NEK1: variants seen among roughly 807,000 people sequenced by gnomAD.
NEK1 encodes the protein NIMA related kinase 1.
NEK1 carries 137 observed loss-of-function variants against 182.1 expected under a neutral mutation model. That is an observed-to-expected ratio of 0.75 (90% CI 0.65 to 0.87). NEK1 has a LOEUF of 0.87. Among genes scored for constraint, NEK1 ranks in the 40% least tolerant of loss-of-function variants. The pLI is 0.00. For synonymous variants in NEK1, 513 were observed against 492.2 expected (o/e 1.04, Z -0.56); for missense variants, 1,391 against 1,494.4 (o/e 0.93, Z 1.14).
At chr4:169,539,845 C>G (rs865866669) in intron 18 of NEK1, among the ~76,000 whole-genome samples, 2 of 152,088 alleles carry the variant, frequency 1.3e-5, no homozygotes, top group African/African-American at 4.8e-5. Context: ...CCTTCTCTAA[C>G]TTTTACGGAA....
intron 31 of NEK1, among the ~76,000 whole-genome samples, chr4:169,423,674 C>G (rs1034262552): frequency 1.3e-5 from 2 of 152,080 alleles, no homozygotes; most frequent in Non-Finnish European, 2.9e-5. Context: ...TACAATATAA[C>G]CTTTTGAATT....
intron 29 of NEK1, among the ~76,000 whole-genome samples, chr4:169,430,409 TC>T (rs1737201950): frequency 1.3e-5 from 2 of 152,206 alleles, no homozygotes; most frequent in African/African-American, 2.4e-5. Context: ...GGTCTCGAAC[TC>T]CTGGCCTCAA....
intron 23 of NEK1, among the ~76,000 whole-genome samples, chr4:169,487,730 A>T (rs1374099793): frequency 1.3e-5 from 2 of 152,184 alleles, no homozygotes; most frequent in African/African-American, 4.8e-5. Context: ...ATCTTTGAGG[A>T]ATCCCCACAC....
At chr4:169,400,121 T>C in intron 35 of NEK1, 104 bp downstream of exon 35, 2 of 1,102,716 alleles carry the variant, frequency 1.8e-6, no homozygotes, top group Non-Finnish European at 2.7e-6. Flanking sequence ...AGTTCCCAAG[T>C]AGATTTCACA....
At chr4:169,405,456 T>C (rs1426630614) in intron 32 of NEK1, among the ~76,000 whole-genome samples, 1 of 152,210 alleles carries the variant, frequency 6.6e-6, no homozygotes, top group Non-Finnish European at 1.5e-5. Context: ...AAACACAGTA[T>C]ATGCTTAGGC....
chr4:169,400,520 C>T lies in NEK1; in HGVS notation c.3714+1G>A. On this transcript the variant is annotated splice_donor_variant, in intron 34 of 35. Coordinates refer to ENST00000507142, the MANE Select transcript of NEK1 (RefSeq NM_001199397.3). LOFTEE classifies it high-confidence loss of function. Reference sequence around the variant, plus strand: ...AGTGTTTTAATTGACTTTTCACTTACCTTTATTTTCTCATAAACCTCAAAG... The same window carrying T: ...AGTGTTTTAATTGACTTTTCACTTATCTTTATTTTCTCATAAACCTCAAAG... 6.3e-7 allele frequency: 1 copy of T among 1,596,388 alleles called. No individual in the cohort carries two copies. The highest frequency in any genetic ancestry group is 8.5e-7 in the Non-Finnish European group (1 of 1,174,058).
intron 32 of NEK1, among the ~76,000 whole-genome samples, chr4:169,404,958 T>C (rs138870778): frequency 5.6e-4 from 85 of 152,232 alleles, no homozygotes; most frequent in African/African-American, 2.0e-3. Flanking sequence ...GCAGAAAACA[T>C]GTGTGCACTG....
chr4:169,437,744 G>A (rs1052819290), intron 28 of NEK1, among the ~76,000 whole-genome samples: 6 of 152,144 alleles, frequency 3.9e-5, no homozygotes, highest in Non-Finnish European at 8.8e-5. Flanking sequence ...GAAGCTTTTT[G>A]GGACCCTTCA....
intron 28 of NEK1, among the ~76,000 whole-genome samples, chr4:169,437,340 T>C (rs1191072801): frequency 3.3e-5 from 5 of 152,144 alleles, no homozygotes; most frequent in Non-Finnish European, 7.3e-5. Context: ...TGAGCTAATG[T>C]CATAATGAGA....
chr4:169,579,390 C>A (rs752568802), intron 11 of NEK1, among the ~76,000 whole-genome samples: 4 of 152,172 alleles, frequency 2.6e-5, no homozygotes, highest in Non-Finnish European at 5.9e-5. Context: ...AGCTTGACTG[C>A]CCACTGCCCA....
chr4:169,526,467 G>A (rs1756919835), intron 19 of NEK1, among the ~76,000 whole-genome samples: 1 of 151,928 alleles, frequency 6.6e-6, no homozygotes, highest in Admixed American at 6.6e-5. Flanking sequence ...ATTTAACCTG[G>A]GTGACAGAGG....
intron 23 of NEK1, among the ~76,000 whole-genome samples, chr4:169,495,216 G>A (rs1405287493): frequency 1.4e-5 from 2 of 146,656 alleles, no homozygotes; most frequent in Non-Finnish European, 3.0e-5. Context: ...GGGTTTTTAT[G>A]GTTTTAGGTC....
chr4:169,537,714 A>G (rs1758729881), intron 19 of NEK1, 95 bp downstream of exon 19: 2 of 918,430 alleles, frequency 2.2e-6, no homozygotes, highest in Non-Finnish European at 1.8e-6. Context: ...CTAGATTGTT[A>G]GACTGTCATT....
intron 28 of NEK1, among the ~76,000 whole-genome samples, chr4:169,435,198 T>C (rs1738173108): frequency 6.6e-6 from 1 of 152,168 alleles, no homozygotes; most frequent in Non-Finnish European, 1.5e-5. Context: ...GCCCTCTTCC[T>C]GTTTTGCAGA....
intron 29 of NEK1, among the ~76,000 whole-genome samples, chr4:169,431,159 C>A: frequency 6.6e-6 from 1 of 151,832 alleles, no homozygotes; most frequent in Admixed American, 6.6e-5. Flanking sequence ...GAAGGATGAG[C>A]CAATGCAGAT....
intron 27 of NEK1, among the ~76,000 whole-genome samples, chr4:169,449,682 T>G (rs1300296827): frequency 6.6e-6 from 1 of 151,956 alleles, no homozygotes; most frequent in African/African-American, 2.4e-5. Context: ...GTCACCAACA[T>G]CAAAGACTAA....
chr4:169,401,660 C>T lies in NEK1; in HGVS notation c.3575G>A (p.Trp1192Ter). 6.2e-7 allele frequency: 1 copy of T among 1,613,460 alleles called. No homozygotes were observed. The highest frequency in any genetic ancestry group is 1.3e-5 in the African/African-American group (1 of 75,010). Residue 1192 changes from tryptophan to a stop codon, truncating the protein, a stop_gained, in exon 33 of 36, where the codon TGG becomes TAG. Coordinates refer to ENST00000507142, the MANE Select transcript of NEK1 (RefSeq NM_001199397.3). LOFTEE classifies it high-confidence loss of function. The stretch of plus-strand genomic sequence containing the variant: ...AAACTCTGATCATGCACCTGAGTGC[C>T]ATTCTTCGTTCAGGGCACTTTCACT... ...PSSESALNEEWHSDNSDGEIA... is the reference protein window; with the variant it reads ...PSSESALNEE
At chr4:169,403,669 T>C (rs759417097) in intron 32 of NEK1, among the ~76,000 whole-genome samples, 30 of 152,154 alleles carry the variant, frequency 2.0e-4, no homozygotes, top group Non-Finnish European at 4.1e-4. Flanking sequence ...CATAAAATCA[T>C]CTAGTGGCTG....
At chr4:169,512,114 T>C (rs767225289) in intron 19 of NEK1, among the ~76,000 whole-genome samples, 19 of 152,132 alleles carry the variant, frequency 1.2e-4, no homozygotes, top group Admixed American at 3.3e-4. Flanking sequence ...CAAGTTTTCT[T>C]TTCTCTGGAA....
Sources: allele counts gnomAD v4.1 joint callset (sites outside exome capture counted in the v4.1 genomes callset), GRCh38; gene constraint gnomAD v4.1.1; transcripts MANE v1.5; gene names NCBI Gene and HGNC (gene_info 2026-07-23, HGNC 2026-07-21).